Variants in SKIC3 observed in about 807,000 individuals in gnomAD.
The protein encoded by SKIC3 is superkiller complex protein 3.
At chr5:95,520,985 G>A in the SKIC3 span, among the ~76,000 whole-genome samples, 2 of 151,974 alleles carry the variant, frequency 1.3e-5, no homozygotes, top group Non-Finnish European at 2.9e-5. Flanking sequence ...CACTCAATAA[G>A]AAATTCAAAT....
chr5:95,498,678 T>G, the SKIC3 span: 2 of 1,246,194 alleles, frequency 1.6e-6, no homozygotes, highest in Non-Finnish European at 2.3e-6. Context: ...CAGGCTGGAG[T>G]GCAGTGGCAC....
At chr5:95,550,549 C>G in the SKIC3 span, 2 of 151,570 alleles carry the variant, frequency 1.3e-5, no homozygotes, top group South Asian at 4.2e-4. Context: ...AAAATAGATT[C>G]CAATTTATTA....
chr5:95,467,521 A>C, the SKIC3 span, among the ~76,000 whole-genome samples: 141 of 152,286 alleles, frequency 9.3e-4, no homozygotes, highest in African/African-American at 3.1e-3. Context: ...ATCAACATTA[A>C]ACTTTTTTTA....
the SKIC3 span, chr5:95,522,124 T>C: frequency 6.2e-7 from 1 of 1,613,868 alleles, no homozygotes; most frequent in Non-Finnish European, 8.5e-7. Context: ...CCTCCTTATA[T>C]TTGCCTAGGA....
the SKIC3 span, chr5:95,469,813 G>A: frequency 6.2e-7 from 1 of 1,614,084 alleles, no homozygotes; most frequent in East Asian, 2.2e-5. Flanking sequence ...TTGTAACAAA[G>A]CTTGTAAAAG....
At chr5:95,538,830 TGG>T in the SKIC3 span, among the ~76,000 whole-genome samples, 1 of 152,142 alleles carries the variant, frequency 6.6e-6, no homozygotes, top group Non-Finnish European at 1.5e-5. Flanking sequence ...CTCTAAACAG[TGG>T]AATTGTTAAA....
the SKIC3 span, among the ~76,000 whole-genome samples, chr5:95,536,143 A>G: frequency 6.6e-6 from 1 of 152,234 alleles, no homozygotes; most frequent in Non-Finnish European, 1.5e-5. Context: ...GCTAGTTGTC[A>G]TCAGTTCTCT....
the SKIC3 span, among the ~76,000 whole-genome samples, chr5:95,548,037 T>A: frequency 1.3e-5 from 2 of 152,098 alleles, no homozygotes; most frequent in Non-Finnish European, 2.9e-5. Flanking sequence ...ATTTCTTCAT[T>A]TAGTCTTAAG....
At chr5:95,472,507 A>G in the SKIC3 span, among the ~76,000 whole-genome samples, 2 of 152,280 alleles carry the variant, frequency 1.3e-5, no homozygotes, top group Non-Finnish European at 2.9e-5. Flanking sequence ...TCTCTCTGGT[A>G]GGACCCCCTT....
the SKIC3 span, among the ~76,000 whole-genome samples, chr5:95,484,012 T>G: frequency 6.6e-6 from 1 of 152,170 alleles, no homozygotes; most frequent in East Asian, 1.9e-4. Context: ...GCCTCTCTAA[T>G]GACACCCAAA....
the SKIC3 span, among the ~76,000 whole-genome samples, chr5:95,539,031 A>G: frequency 6.6e-6 from 1 of 152,204 alleles, no homozygotes; most frequent in Admixed American, 6.5e-5. Flanking sequence ...ATGAGTACCA[A>G]TTCCACTCCA....
chr5:95,534,636 CTT>C, the SKIC3 span, among the ~76,000 whole-genome samples: 1 of 152,198 alleles, frequency 6.6e-6, no homozygotes, highest in South Asian at 2.1e-4. Context: ...TCCCTGTCGT[CTT>C]GTGTTGCTTC....
At chr5:95,473,461 A>C in the SKIC3 span, among the ~76,000 whole-genome samples, 2 of 152,060 alleles carry the variant, frequency 1.3e-5, no homozygotes, top group Non-Finnish European at 2.9e-5. Context: ...TTTTCTATAG[A>C]GATGGGATTT....
chr5:95,467,620 C>T, the SKIC3 span, among the ~76,000 whole-genome samples: 3 of 152,096 alleles, frequency 2.0e-5, no homozygotes, highest in Non-Finnish European at 2.9e-5. Context: ...ATAACTAACC[C>T]ATGGTAAGAT....
the SKIC3 span, among the ~76,000 whole-genome samples, chr5:95,494,137 T>C: frequency 1.3e-5 from 2 of 152,168 alleles, no homozygotes; most frequent in Non-Finnish European, 2.9e-5. Flanking sequence ...GAAATAAAAC[T>C]GTTTCTTGAA....
At chr5:95,528,858 TA>T in the SKIC3 span, 1 of 731,932 alleles carries the variant, frequency 1.4e-6, no homozygotes, top group Non-Finnish European at 2.3e-6. Flanking sequence ...GACTTTTATT[TA>T]AACTTATTGA....
chr5:95,497,406 G>T, the SKIC3 span: 2 of 1,608,324 alleles, frequency 1.2e-6, no homozygotes, highest in South Asian at 1.1e-5. Context: ...AATTTGAAAC[G>T]TTACTTTACC....
At chr5:95,521,499 T>C in the SKIC3 span, 1 of 152,040 alleles carries the variant, frequency 6.6e-6, no homozygotes, top group Non-Finnish European at 1.5e-5. Flanking sequence ...AAAAAACCAG[T>C]TTCTTTAAAA....
At chr5:95,535,444 G>A in the SKIC3 span, among the ~76,000 whole-genome samples, 23,284 of 151,444 alleles carry the variant, frequency 0.15, 2,450 homozygotes, top group African/African-American at 0.3. Context: ...CTGAGTAGCT[G>A]GGATTACAGG....
Sources: gnomAD v4.1 joint callset for allele counts (sites outside exome capture counted in the v4.1 genomes callset) on GRCh38, gnomAD v4.1.1 for gene constraint, MANE v1.5 for transcripts, NCBI Gene and HGNC (gene_info 2026-07-23, HGNC 2026-07-21) for gene names.